The following HDLBP variants were observed in gnomAD, a reference collection of about 807,000 sequenced individuals.
HDLBP encodes the protein vigilin.
In HDLBP, 30 loss-of-function variants were observed where a neutral mutation model predicts 137.3. The observed-to-expected ratio is 0.22, with a 90% CI of 0.16 to 0.30. HDLBP has a LOEUF of 0.30. Ranked by LOEUF, HDLBP falls within the 10% of genes least tolerant of loss-of-function variation. The pLI, the probability that HDLBP is intolerant of heterozygous loss-of-function variation, is 1.00. For synonymous variants in HDLBP, 606 were observed against 596.0 expected, an observed-to-expected ratio of 1.02 and a Z score of -0.24; for missense variants, 1,119 against 1,667.3, an observed-to-expected ratio of 0.67 and a Z score of 5.73.
intron 5 of HDLBP, among the ~76,000 whole-genome samples, chr2:241,259,786 A>C (rs1237724020): frequency 6.6e-6 from 1 of 151,976 alleles, no homozygotes; most frequent in Non-Finnish European, 1.5e-5. Flanking sequence ...TCCTTTCTTA[A>C]AAGTACAATT....
chr2:241,262,341 TGGGA>T (rs1321341933), intron 5 of HDLBP, among the ~76,000 whole-genome samples: 1 of 152,162 alleles, frequency 6.6e-6, no homozygotes, highest in East Asian at 1.9e-4. Context: ...CCCAGCTAAC[TGGGA>T]GGCTAGGTGG....
Position 241,238,535 on chromosome 2 carries a change from A to T in HDLBP, c.2749+114T>A. On this transcript the variant is annotated intron_variant, in intron 20 of 27. Transcript: ENST00000310931. This position sits in a 1 kb window ranked among gnomAD's most constrained non-coding sequence, Gnocchi z 4.9. Reference sequence around the variant, plus strand: ...ACCTCTGGAAGCCCCCAGAATACATAGATGGTTTTCCAGCAGAGACAGGAA... The same window carrying T: ...ACCTCTGGAAGCCCCCAGAATACATTGATGGTTTTCCAGCAGAGACAGGAA... 1 of 846,570 alleles carries T rather than the reference A, an allele frequency of 1.2e-6. No homozygotes were observed. The highest frequency in any genetic ancestry group is 1.7e-6 in the Non-Finnish European group (1 of 574,044). The allele number at this position is 846,570 out of a possible 1,614,324, so 52.4% of individuals were successfully genotyped here.
intron 1 of HDLBP, among the ~76,000 whole-genome samples, chr2:241,280,252 A>G (rs932970824): frequency 5.3e-5 from 8 of 152,258 alleles, no homozygotes; most frequent in African/African-American, 1.9e-4. Flanking sequence ...AACTAATTTT[A>G]TAATTAAGCT....
At chr2:241,307,596 ACCC>A (rs35978047) in intron 1 of HDLBP, among the ~76,000 whole-genome samples, 1 of 151,816 alleles carries the variant, frequency 6.6e-6, no homozygotes, top group African/African-American at 2.4e-5. Flanking sequence ...AAAACTGGCA[ACCC>A]CCCCATGAGG....
intron 1 of HDLBP, 124 bp downstream of exon 1, chr2:241,315,446 C>T (rs1267354099): frequency 6.6e-6 from 1 of 152,402 alleles, no homozygotes; most frequent in African/African-American, 2.4e-5. Context: ...GATCGCTCCG[C>T]ACTCCCGCCA....
chr2:241,305,904 G>C (rs972630173), intron 1 of HDLBP, among the ~76,000 whole-genome samples: 1 of 151,742 alleles, frequency 6.6e-6, no homozygotes, highest in African/African-American at 2.4e-5. Flanking sequence ...GGGACTACAG[G>C]CATCCGCCAC....
At chr2:241,305,317 T>C (rs1407421361) in intron 1 of HDLBP, among the ~76,000 whole-genome samples, 2 of 152,142 alleles carry the variant, frequency 1.3e-5, no homozygotes, top group Non-Finnish European at 2.9e-5. Flanking sequence ...GAGATGGGGT[T>C]TCACCATGTT....
At chr2:241,257,034 C>T (rs1345675900) in intron 5 of HDLBP, among the ~76,000 whole-genome samples, 1 of 152,170 alleles carries the variant, frequency 6.6e-6, no homozygotes, top group Admixed American at 6.5e-5. Context: ...TTAACATCCA[C>T]TGGAATATAC....
chr2:241,257,221 T>C (rs987688872), intron 5 of HDLBP, among the ~76,000 whole-genome samples: 1 of 152,200 alleles, frequency 6.6e-6, no homozygotes, highest in Admixed American at 6.5e-5. Context: ...ACTTAGAAGA[T>C]GTAATGAAAG....
chr2:241,270,989 A>AT (rs1312832452), intron 1 of HDLBP: 5 of 985,184 alleles, frequency 5.1e-6, no homozygotes, highest in Non-Finnish European at 6.0e-6. Flanking sequence ...GGGACAGGAA[A>AT]TTCATGGCCT....
Position 241,240,273 on chromosome 2 carries a change from A to G in HDLBP, c.2170-151T>C. On this transcript the variant is annotated intron_variant, in intron 17 of 27. Coordinates refer to ENST00000310931, the MANE Select transcript of HDLBP (RefSeq NM_005336.6). The surrounding 1 kb of genome is among the most constrained non-coding windows in gnomAD (Gnocchi z 5.5). Reference sequence around the variant, plus strand: ...GCACCAATACCCCCAAAATGGGGCTAGCACACCTCACTGAATAAACAGATG... The same window carrying G: ...GCACCAATACCCCCAAAATGGGGCTGGCACACCTCACTGAATAAACAGATG... 1.4e-6 allele frequency: 1 copy of G among 708,348 alleles called. No individual in the cohort carries two copies. Among genetic ancestry groups the G allele is most frequent in the Non-Finnish European group, 2.5e-6 (1 of 394,888 alleles). The allele number at this position is 708,348 out of a possible 1,614,324, so 43.9% of individuals were successfully genotyped here. A position where few individuals can be genotyped will look rare whatever the true frequency, so the allele number is the denominator to read the frequency against.
At chr2:241,297,506 C>T (rs373268287) in intron 1 of HDLBP, among the ~76,000 whole-genome samples, 4 of 152,146 alleles carry the variant, frequency 2.6e-5, no homozygotes, top group African/African-American at 4.8e-5. Context: ...AAAATACACA[C>T]GCATGTAGCT....
chr2:241,300,250 G>C (rs2075347081), intron 1 of HDLBP, among the ~76,000 whole-genome samples: 1 of 152,024 alleles, frequency 6.6e-6, no homozygotes, highest in African/African-American at 2.4e-5. Flanking sequence ...GCGCCCCCCG[G>C]TGCTCCATCT....
At chr2:241,307,157 T>C (rs1163354689) in intron 1 of HDLBP, among the ~76,000 whole-genome samples, 2 of 152,160 alleles carry the variant, frequency 1.3e-5, no homozygotes, top group East Asian at 3.9e-4. Flanking sequence ...AAATAATCAA[T>C]ATCCTGCCTT....
intron 23 of HDLBP, among the ~76,000 whole-genome samples, chr2:241,234,677 C>T (rs940109427): frequency 6.6e-6 from 1 of 152,230 alleles, no homozygotes; most frequent in Non-Finnish European, 1.5e-5. Context: ...TACAATCCTT[C>T]AAACGTCAGC....
At chr2:241,288,200 T>C (rs2074895456) in intron 1 of HDLBP, among the ~76,000 whole-genome samples, 2 of 152,248 alleles carry the variant, frequency 1.3e-5, no homozygotes, top group African/African-American at 4.8e-5. Flanking sequence ...TCTGCTGTGC[T>C]ATTCTCATTA....
rs536112050 is a variant in HDLBP, at chr2:241,267,524, G to A, written c.-37-618C>T. The A allele has an allele frequency of 4.4e-5, 65 of 1,492,420 alleles. 1 individual carries two copies. The South Asian group carries it at 6.7e-4, about 15-fold the overall frequency. 92.4% of individuals were successfully genotyped at this position (1,492,420 alleles called of 1,614,324 possible). On this transcript the variant is annotated intron_variant, in intron 2 of 27. Transcript: ENST00000310931. ...GGCTCCAGGCATAGATCAACACCAGGATCGTTCTCCTAACAGCGACCTTGG... is the reference window on the plus strand; with the variant it reads ...GGCTCCAGGCATAGATCAACACCAGAATCGTTCTCCTAACAGCGACCTTGG...
intron 12 of HDLBP, 25 bp downstream of exon 12, chr2:241,249,816 T>C (rs12475607): frequency 0.095 from 149,806 of 1,580,726 alleles, 7,722 homozygotes; most frequent in Middle Eastern, 0.13. Flanking sequence ...AGTGCCTTTC[T>C]AGAGGGCCCA....
At chr2:241,264,690 C>T (rs753489023) in intron 3 of HDLBP, 85 bp from the exon 4 acceptor site, 12 of 1,298,556 alleles carry the variant, frequency 9.2e-6, no homozygotes, top group Non-Finnish European at 1.3e-5. Flanking sequence ...TGCTTAAAAA[C>T]AGACAAACAA....
Sources: allele counts gnomAD v4.1 joint callset (sites outside exome capture counted in the v4.1 genomes callset), GRCh38; gene constraint gnomAD v4.1.1; non-coding constraint Gnocchi (gnomAD v3.1); transcripts MANE v1.5; gene names NCBI Gene and HGNC (gene_info 2026-07-23, HGNC 2026-07-21).